ATG7: variants seen among roughly 807,000 people sequenced by gnomAD.
ATG7 encodes the protein ubiquitin-like modifier-activating enzyme ATG7.
A neutral mutation model predicts 82.4 loss-of-function variants in ATG7; 70 were observed. The observed-to-expected ratio is 0.85, with a 90% CI of 0.70 to 1.04. ATG7 has a LOEUF of 1.04. ATG7 is among the 50% of genes least tolerant of loss of function. The probability of loss-of-function intolerance (pLI) is 0.00; values close to 1 mark genes in which losing one functional copy is unlikely to be tolerated. For synonymous variants in ATG7, 287 were observed against 313.0 expected (o/e 0.92, Z 0.88); for missense variants, 792 against 864.3 (o/e 0.92, Z 1.05).
the ATG7 span, among the ~76,000 whole-genome samples, chr3:11,571,404 C>A: frequency 6.6e-6 from 1 of 152,192 alleles, no homozygotes; most frequent in Non-Finnish European, 1.5e-5. Context: ...CATAAAGGGG[C>A]CAGGTGCAGT....
At chr3:11,525,248 C>G (rs1166801865) in intron 20 of ATG7, among the ~76,000 whole-genome samples, 1 of 151,244 alleles carries the variant, frequency 6.6e-6, no homozygotes, top group Non-Finnish European at 1.5e-5. Context: ...CCAGGGTTGT[C>G]TCGGACTCCT....
chr3:11,347,030 T>C (rs1954656505), intron 13 of ATG7, among the ~76,000 whole-genome samples: 1 of 152,200 alleles, frequency 6.6e-6, no homozygotes, highest in Non-Finnish European at 1.5e-5. Context: ...TGGCAGGACA[T>C]CTCTTAGGTC....
In ATG7 at chr3:11,556,959, A is replaced by G. The variant is rs2072481386; in HGVS notation, c.*2116A>G. On this transcript the variant is annotated 3_prime_UTR_variant, in exon 21 of 21. Coordinates refer to ENST00000693202, the MANE Select transcript of ATG7 (RefSeq NM_001349232.2). ...CAAGAGCCAGTCCTCCGACCTTTTC[A>G]CCCAGTGCCAATTTCCAAAATTCAA... 1 of 152,648 alleles carries G rather than the reference A, an allele frequency of 6.6e-6. No homozygotes were observed. Among genetic ancestry groups the G allele is most frequent in the Admixed American group, 6.5e-5 (1 of 15,282 alleles). 9.5% of individuals were successfully genotyped at this position (152,648 alleles called of 1,614,324 possible).
At chr3:11,412,727 G>A (rs113148981) in intron 19 of ATG7, among the ~76,000 whole-genome samples, 8 of 152,020 alleles carry the variant, frequency 5.3e-5, no homozygotes, top group East Asian at 1.9e-4. Flanking sequence ...AAAAAACACC[G>A]TTGGATTTGT....
intron 9 of ATG7, among the ~76,000 whole-genome samples, chr3:11,329,652 T>A (rs1354298224): frequency 1.3e-5 from 2 of 152,218 alleles, no homozygotes. Flanking sequence ...AAAATAAACT[T>A]TTTATTTTGG....
At chr3:11,513,451 G>A (rs1300246050) in intron 20 of ATG7, among the ~76,000 whole-genome samples, 2 of 152,234 alleles carry the variant, frequency 1.3e-5, no homozygotes, top group Non-Finnish European at 2.9e-5. Flanking sequence ...GCACTGCTGG[G>A]GGACCCAGCG....
intron 1 of ATG7, among the ~76,000 whole-genome samples, chr3:11,276,046 C>A (rs1941713614): frequency 6.6e-6 from 1 of 152,216 alleles, no homozygotes; most frequent in Non-Finnish European, 1.5e-5. Flanking sequence ...GACACTATTA[C>A]ACTAGTGTGC....
intron 3 of ATG7, among the ~76,000 whole-genome samples, chr3:11,285,513 C>T (rs1393051420): frequency 6.6e-6 from 1 of 152,120 alleles, no homozygotes; most frequent in Non-Finnish European, 1.5e-5. Flanking sequence ...ACATAAAGTG[C>T]ACTGATAGCA....
At chr3:11,331,837 CCCAACA>C in intron 10 of ATG7, among the ~76,000 whole-genome samples, 1 of 152,078 alleles carries the variant, frequency 6.6e-6, no homozygotes, top group Non-Finnish European at 1.5e-5. Context: ...TGAAAAGATG[CCCAACA>C]TCATGTCATT....
chr3:11,547,967 G>A (rs998702390), intron 20 of ATG7, among the ~76,000 whole-genome samples: 13 of 151,982 alleles, frequency 8.6e-5, no homozygotes, highest in Non-Finnish European at 1.5e-4. Context: ...TCAGCCTCCA[G>A]AGTAGCTGGG....
chr3:11,429,948 GA>G lies in ATG7; in HGVS notation c.2079+3042del, dbSNP rs542247546. On this transcript the variant is annotated intron_variant, in intron 20 of 20. Coordinates refer to ENST00000693202, the MANE Select transcript of ATG7 (RefSeq NM_001349232.2). Reference sequence around the variant, plus strand: ...GCGACAGAGCGAGACTCTGTCTCAGGAAAAAAAAAAAAAAAAAAAATTCTGT... The same window carrying G: ...GCGACAGAGCGAGACTCTGTCTCAGGAAAAAAAAAAAAAAAAAAATTCTGT... 2.9e-3 allele frequency among the ~76,000 whole-genome samples: 366 copies of G among 126,156 alleles called. 1 individual carries two copies. Among genetic ancestry groups the G allele is most frequent in the African/African-American group, 9.3e-3 (304 of 32,548 alleles). The allele number at this position is 126,156 out of a possible 152,430, so 82.8% of individuals were successfully genotyped here.
intron 20 of ATG7, among the ~76,000 whole-genome samples, chr3:11,515,278 A>G (rs1311092808): frequency 7.2e-6 from 1 of 138,114 alleles, no homozygotes. Flanking sequence ...CGGTGTTTCT[A>G]CTCACTGTGT....
intron 3 of ATG7, among the ~76,000 whole-genome samples, chr3:11,291,090 A>G (rs534679546): frequency 6.6e-6 from 1 of 152,300 alleles, no homozygotes; most frequent in South Asian, 2.1e-4. Flanking sequence ...GCACTGGTAA[A>G]ATTCCATCTT....
intron 19 of ATG7, among the ~76,000 whole-genome samples, chr3:11,413,862 T>C (rs2081138335): frequency 6.6e-6 from 1 of 152,180 alleles, no homozygotes. Flanking sequence ...TGCAGGGCTT[T>C]TGTTTGCCAG....
chr3:11,288,215 C>T (rs973713187), intron 3 of ATG7, among the ~76,000 whole-genome samples: 6 of 152,226 alleles, frequency 3.9e-5, no homozygotes, highest in Admixed American at 3.9e-4. Context: ...TAATGGAGAA[C>T]TCATTATCTC....
chr3:11,568,737 G>A, the ATG7 span: 804 of 1,533,966 alleles, frequency 5.2e-4, 1 homozygote, highest in Non-Finnish European at 6.3e-4. The surrounding 1 kb of genome is among the most constrained non-coding windows in gnomAD (Gnocchi z 5.9). Flanking sequence ...GCAGAAAACC[G>A]CACGCATCCT....
At chr3:11,300,075 C>A (rs1946551072) in intron 5 of ATG7, among the ~76,000 whole-genome samples, 1 of 152,154 alleles carries the variant, frequency 6.6e-6, no homozygotes, top group Admixed American at 6.5e-5. Flanking sequence ...CAAGCTCACG[C>A]CATCATGCCT....
intron 6 of ATG7, among the ~76,000 whole-genome samples, chr3:11,307,868 G>A (rs576487433): frequency 4.6e-5 from 7 of 152,262 alleles, no homozygotes; most frequent in South Asian, 4.1e-4. Context: ...CACATCCCTC[G>A]GGATGGACGC....
At chr3:11,433,390 T>A (rs1040308538) in intron 20 of ATG7, among the ~76,000 whole-genome samples, 1 of 151,992 alleles carries the variant, frequency 6.6e-6, no homozygotes, top group African/African-American at 2.4e-5. Context: ...AAAAATTTGC[T>A]GTGACTTACC....
Sources: gnomAD v4.1 joint callset for allele counts (sites outside exome capture counted in the v4.1 genomes callset) on GRCh38, gnomAD v4.1.1 for gene constraint, Gnocchi (gnomAD v3.1) non-coding constraint, MANE v1.5 for transcripts, NCBI Gene and HGNC (gene_info 2026-07-23, HGNC 2026-07-21) for gene names.